The following DOK6 variants were observed in gnomAD, a reference collection of about 807,000 sequenced individuals.
The protein encoded by DOK6 is docking protein 6.
A neutral mutation model predicts 44.0 loss-of-function variants in DOK6; 22 were observed. That is an observed-to-expected ratio of 0.50 (90% confidence interval 0.36 to 0.71). The LOEUF is 0.71. DOK6 is among the 30% of genes least tolerant of loss of function. The probability of loss-of-function intolerance (pLI) is 0.00; values close to 1 mark genes in which losing one functional copy is unlikely to be tolerated. For missense variants in DOK6, 340 were observed against 416.4 expected (o/e 0.82, Z 1.60); for synonymous variants, 166 against 145.5 (o/e 1.14, Z -1.01).
chr18:69,405,942 G>T (rs112859276), intron 1 of DOK6, among the ~76,000 whole-genome samples: 16 of 152,252 alleles, frequency 1.1e-4, no homozygotes, highest in African/African-American at 3.4e-4. Flanking sequence ...CTAGAATATT[G>T]TGAATCCTGG....
chr18:69,664,749 C>A (rs1372148222), intron 3 of DOK6, among the ~76,000 whole-genome samples: 1 of 152,190 alleles, frequency 6.6e-6, no homozygotes, highest in African/African-American at 2.4e-5. Flanking sequence ...ATGTGCCAGG[C>A]ACCTGCATCC....
chr18:69,736,313 TG>T (rs1978604198), intron 5 of DOK6, among the ~76,000 whole-genome samples: 1 of 103,078 alleles, frequency 9.7e-6, no homozygotes, highest in Non-Finnish European at 2.7e-5. Flanking sequence ...ATCACAATGT[TG>T]AAAACAAACA....
chr18:69,791,827 A>G (rs1394411977), intron 7 of DOK6, among the ~76,000 whole-genome samples: 1 of 152,166 alleles, frequency 6.6e-6, no homozygotes, highest in African/African-American at 2.4e-5. Context: ...ATATTTGCCC[A>G]GTCCAATGTC....
chr18:69,473,104 T>G (rs555949398), intron 1 of DOK6, among the ~76,000 whole-genome samples: 8 of 152,180 alleles, frequency 5.3e-5, no homozygotes, highest in Non-Finnish European at 1.2e-4. Context: ...AAATTAATAT[T>G]TTTTTATTTT....
At chr18:69,552,055 T>A (rs967419690) in intron 1 of DOK6, among the ~76,000 whole-genome samples, 9 of 152,222 alleles carry the variant, frequency 5.9e-5, no homozygotes, top group Non-Finnish European at 2.9e-5. Flanking sequence ...TTTGGATGAT[T>A]GTTATATAAA....
chr18:69,811,816 A>C (rs1228964077), intron 7 of DOK6, among the ~76,000 whole-genome samples: 1 of 151,868 alleles, frequency 6.6e-6, no homozygotes, highest in Non-Finnish European at 1.5e-5. Context: ...TGGACAGCAA[A>C]GTCAGAAGGA....
intron 1 of DOK6, among the ~76,000 whole-genome samples, chr18:69,497,384 A>C (rs1241644130): frequency 6.6e-6 from 1 of 152,146 alleles, no homozygotes; most frequent in African/African-American, 2.4e-5. Context: ...CAATCTCTGG[A>C]AACACCCCCC....
intron 7 of DOK6, chr18:69,832,416 T>C (rs1981926853): frequency 6.6e-6 from 1 of 152,188 alleles, no homozygotes; most frequent in South Asian, 2.1e-4. Flanking sequence ...ATGTGTTGTT[T>C]AATTCTATTT....
intron 1 of DOK6, among the ~76,000 whole-genome samples, chr18:69,515,447 GT>G (rs1179750003): frequency 7.9e-5 from 12 of 152,234 alleles, no homozygotes; most frequent in African/African-American, 2.9e-4. Context: ...ATCTGTCTTT[GT>G]TTTCCTTTGT....
intron 2 of DOK6, among the ~76,000 whole-genome samples, chr18:69,585,505 A>G (rs1465963234): frequency 1.3e-5 from 2 of 152,224 alleles, no homozygotes; most frequent in African/African-American, 4.8e-5. Flanking sequence ...AATATAAAAT[A>G]GCTTAACCGT....
chr18:69,713,425 CTCTT>C (rs1213976763), intron 5 of DOK6, among the ~76,000 whole-genome samples: 2 of 152,164 alleles, frequency 1.3e-5, no homozygotes, highest in Non-Finnish European at 2.9e-5. Flanking sequence ...CATACCAAAT[CTCTT>C]TTATTTATGT....
chr18:69,514,451 G>C (rs1210883101), intron 1 of DOK6, among the ~76,000 whole-genome samples: 1 of 152,120 alleles, frequency 6.6e-6, no homozygotes, highest in African/African-American at 2.4e-5. Context: ...ATAGGATATT[G>C]TGTTGTAAAA....
At chr18:69,559,458 A>T (rs1257238310) in intron 1 of DOK6, among the ~76,000 whole-genome samples, 1 of 152,152 alleles carries the variant, frequency 6.6e-6, no homozygotes, top group African/African-American at 2.4e-5. Flanking sequence ...CAAATCCATT[A>T]ATGAATAGCT....
At chr18:69,560,567 T>C (rs1982804573) in intron 1 of DOK6, among the ~76,000 whole-genome samples, 1 of 152,158 alleles carries the variant, frequency 6.6e-6, no homozygotes, top group Admixed American at 6.6e-5. Context: ...CTCGTAATTA[T>C]GAAAATCATT....
At chr18:69,733,960 T>A (rs944568044) in intron 5 of DOK6, among the ~76,000 whole-genome samples, 1 of 152,182 alleles carries the variant, frequency 6.6e-6, no homozygotes, top group Non-Finnish European at 1.5e-5. Context: ...ATAATAGATA[T>A]CAAAAGATAT....
intron 1 of DOK6, among the ~76,000 whole-genome samples, chr18:69,477,044 A>G (rs1168803395): frequency 6.6e-6 from 1 of 152,230 alleles, no homozygotes; most frequent in Non-Finnish European, 1.5e-5. Flanking sequence ...CACTGAATTT[A>G]TTTATAAAAT....
At chr18:69,414,884 G>C (rs1475420787) in intron 1 of DOK6, among the ~76,000 whole-genome samples, 1 of 151,954 alleles carries the variant, frequency 6.6e-6, no homozygotes, top group Admixed American at 6.6e-5. Flanking sequence ...CATCCAGTGG[G>C]GCACAATTAT....
chr18:69,679,638 A>G (rs1986001260), intron 4 of DOK6, among the ~76,000 whole-genome samples: 5 of 152,352 alleles, frequency 3.3e-5, no homozygotes, highest in South Asian at 2.1e-4. Flanking sequence ...AAATTTGTCA[A>G]GTACTACATA....
At chr18:69,643,942 T>A (rs1394538899) in intron 3 of DOK6, among the ~76,000 whole-genome samples, 2 of 152,160 alleles carry the variant, frequency 1.3e-5, no homozygotes, top group Non-Finnish European at 2.9e-5. Flanking sequence ...AATTTGGCCA[T>A]CCGGATAGGT....
Sources: gnomAD v4.1 joint callset for allele counts (sites outside exome capture counted in the v4.1 genomes callset) on GRCh38, gnomAD v4.1.1 for gene constraint, MANE v1.5 for transcripts, NCBI Gene and HGNC (gene_info 2026-07-23, HGNC 2026-07-21) for gene names.